FAM156A: variants seen among roughly 807,000 people sequenced by gnomAD.
The protein encoded by FAM156A is family with sequence similarity 156 member A, also known as protein FAM156A/FAM156B.
chrX:52,988,276 A>T (rs1228319210), intron 1 of FAM156A, among the ~76,000 whole-genome samples: 1 of 111,184 alleles, frequency 9.0e-6, no homozygotes, highest in Non-Finnish European at 1.9e-5. Flanking sequence ...AAGAAAAGAA[A>T]GGAAAAGAAA....
intron 1 of FAM156A, among the ~76,000 whole-genome samples, chrX:52,980,214 T>C (rs1051653853): frequency 4.1e-4 from 46 of 112,226 alleles, no homozygotes; most frequent in African/African-American, 1.5e-3. Flanking sequence ...CTGCAGGGCA[T>C]TCCATTCTTG....
intron 1 of FAM156A, among the ~76,000 whole-genome samples, chrX:52,982,386 G>A (rs890102890): frequency 8.1e-5 from 9 of 111,574 alleles, no homozygotes; most frequent in African/African-American, 1.6e-4. Context: ...CCTGGAAGGC[G>A]GAGGTTATAG....
At chrX:52,987,695 A>G (rs781913632) in intron 1 of FAM156A, among the ~76,000 whole-genome samples, 1 of 106,300 alleles carries the variant, frequency 9.4e-6, no homozygotes, top group East Asian at 2.8e-4. Flanking sequence ...GGATAGTTCA[A>G]CAGAAAGAGA....
At chrX:52,981,456 T>C (rs1929893892) in intron 1 of FAM156A, among the ~76,000 whole-genome samples, 1 of 111,254 alleles carries the variant, frequency 9.0e-6, no homozygotes, top group Non-Finnish European at 1.9e-5. Context: ...CACCAAGACT[T>C]TACCCTTGTT....
chrX:52,994,885 C>A (rs1318964933), intron 1 of FAM156A, among the ~76,000 whole-genome samples: 4 of 110,956 alleles, frequency 3.6e-5, no homozygotes, highest in African/African-American at 1.3e-4. Flanking sequence ...GAGGCTGAGG[C>A]GGGAGGATAG....
chrX:52,988,025 C>A (rs1433597011), intron 1 of FAM156A, among the ~76,000 whole-genome samples: 1 of 111,351 alleles, frequency 9.0e-6, no homozygotes, highest in Non-Finnish European at 1.9e-5. Flanking sequence ...CCGAGGCGGG[C>A]GGATCAGAAG....
chrX:52,989,477 G>C (rs372716901), intron 1 of FAM156A, among the ~76,000 whole-genome samples: 1 of 112,178 alleles, frequency 8.9e-6, no homozygotes, highest in African/African-American at 3.2e-5. Context: ...CTGCATGTTG[G>C]GGGTATAATG....
At chrX:52,973,436 G>T (rs1342116478) in intron 1 of FAM156A, among the ~76,000 whole-genome samples, 2 of 108,680 alleles carry the variant, frequency 1.8e-5, no homozygotes, top group Non-Finnish European at 3.8e-5. Context: ...ATCAGAATCT[G>T]TGCAACCCAG....
chrX:52,989,949 TTA>T (rs1354374161), intron 1 of FAM156A, among the ~76,000 whole-genome samples: 34 of 111,405 alleles, frequency 3.1e-4, no homozygotes, highest in African/African-American at 8.8e-4. Context: ...GAAGACAAAA[TTA>T]TATGAGAATT....
At chrX:52,984,896 A>T (rs936586858) in intron 1 of FAM156A, among the ~76,000 whole-genome samples, 2 of 110,710 alleles carry the variant, frequency 1.8e-5, no homozygotes, top group Non-Finnish European at 3.8e-5. Flanking sequence ...AACAAAAAAA[A>T]AAACACAAAA....
chrX:52,983,566 TCCAGC>T (rs1930054902), intron 1 of FAM156A, among the ~76,000 whole-genome samples: 1 of 109,642 alleles, frequency 9.1e-6, no homozygotes, highest in East Asian at 2.8e-4. Context: ...TAAGCTTTGC[TCCAGC>T]CCAGAGAACT....
intron 1 of FAM156A, among the ~76,000 whole-genome samples, chrX:52,992,191 AG>A (rs1930823593): frequency 9.2e-6 from 1 of 109,093 alleles, no homozygotes; most frequent in African/African-American, 3.3e-5. Context: ...TCACACCACC[AG>A]GGCTTGGGGT....
chrX:52,975,465 C>A (rs1330815076), intron 1 of FAM156A, among the ~76,000 whole-genome samples: 1 of 111,716 alleles, frequency 9.0e-6, no homozygotes, highest in African/African-American at 3.3e-5. Context: ...GAAGCTTAGC[C>A]ACTTGTGCAC....
At chrX:52,978,901 G>T (rs1929671928) in intron 1 of FAM156A, among the ~76,000 whole-genome samples, 1 of 112,132 alleles carries the variant, frequency 8.9e-6, no homozygotes, top group Non-Finnish European at 1.9e-5. Flanking sequence ...CTCTAGTATT[G>T]CTCAGACACG....
intron 1 of FAM156A, among the ~76,000 whole-genome samples, chrX:52,980,180 T>C (rs782125479): frequency 1.8e-5 from 2 of 112,342 alleles, no homozygotes; most frequent in Non-Finnish European, 3.8e-5. Flanking sequence ...CAAAGACTTA[T>C]TGACTGCTTT....
At chrX:52,986,602 A>G (rs1556794477) in intron 1 of FAM156A, among the ~76,000 whole-genome samples, 1 of 111,126 alleles carries the variant, frequency 9.0e-6, no homozygotes, top group Non-Finnish European at 1.9e-5. Context: ...CTCCAACCAC[A>G]TGGTCACAAC....
intron 1 of FAM156A, among the ~76,000 whole-genome samples, chrX:52,975,303 G>A (rs1929378160): frequency 8.9e-6 from 1 of 111,823 alleles, no homozygotes; most frequent in African/African-American, 3.3e-5. Context: ...AGCTTTATGC[G>A]GGCAGTGCCC....
At chrX:52,975,333 G>A (rs1556791899) in intron 1 of FAM156A, among the ~76,000 whole-genome samples, 1 of 111,936 alleles carries the variant, frequency 8.9e-6, no homozygotes, top group African/African-American at 3.2e-5. Context: ...AGCTTTTGGC[G>A]AATCTTCAGA....
At chrX:52,992,501 G>A (rs1315868954) in intron 1 of FAM156A, among the ~76,000 whole-genome samples, 1 of 111,608 alleles carries the variant, frequency 9.0e-6, no homozygotes, top group Non-Finnish European at 1.9e-5. Context: ...CCTATGCTGT[G>A]TGGTCCACAC....
Sources: allele counts gnomAD v4.1 joint callset (sites outside exome capture counted in the v4.1 genomes callset), GRCh38; gene constraint gnomAD v4.1.1; transcripts MANE v1.5; gene names NCBI Gene and HGNC (gene_info 2026-07-23, HGNC 2026-07-21).